The following CYP4F22 variants were observed in gnomAD, a reference collection of about 807,000 sequenced individuals.
CYP4F22 encodes cytochrome P450 family 4 subfamily F member 22, also known as ultra-long-chain fatty acid omega-hydroxylase.
In CYP4F22, 37 loss-of-function variants were observed where a neutral mutation model predicts 60.4. The ratio of observed to expected loss-of-function variants is 0.61; its 90% CI spans 0.47 to 0.81. The LOEUF (loss-of-function observed/expected upper bound fraction) is 0.81. CYP4F22 is among the 30% of genes least tolerant of loss of function. The probability of loss-of-function intolerance (pLI) is 0.00; values close to 1 mark genes in which losing one functional copy is unlikely to be tolerated. For missense variants in CYP4F22, 655 were observed against 715.0 expected (o/e 0.92, Z 0.96); for synonymous variants, 258 against 280.5 (o/e 0.92, Z 0.80).
In CYP4F22 at chr19:15,549,152, G is replaced by T; in HGVS notation, c.1285G>T (p.Val429Phe). The T allele has an allele frequency of 6.2e-7, 1 of 1,613,990 alleles. No homozygotes were observed. Among genetic ancestry groups the T allele is most frequent in the Non-Finnish European group, 8.5e-7 (1 of 1,180,008 alleles). Residue 429 changes from valine (V) to phenylalanine (F), a missense_variant, in exon 12 of 14, where the codon GTC (valine) becomes TTC (phenylalanine). Transcript: ENST00000269703. ...RIIPKGIICL[V>F]SIYGTHHNPT... ...TTTCCCCACAGGAATCATCTGCTTG[G>T]TCAGCATCTATGGAACCCACCACAA...
chr19:15,521,137 C>T (rs1971220379), intron 1 of CYP4F22, among the ~76,000 whole-genome samples: 1 of 152,054 alleles, frequency 6.6e-6, no homozygotes, highest in South Asian at 2.1e-4. Flanking sequence ...TCAGAATGTC[C>T]TTGCTTTTGA....
chr19:15,520,164 G>T (rs1311256699), intron 1 of CYP4F22, among the ~76,000 whole-genome samples: 1 of 151,904 alleles, frequency 6.6e-6, no homozygotes, highest in African/African-American at 2.4e-5. Flanking sequence ...TTAACACGGT[G>T]AAACCCCGTC....
chr19:15,539,900 A>G (rs559732679), intron 7 of CYP4F22, among the ~76,000 whole-genome samples: 4 of 152,198 alleles, frequency 2.6e-5, no homozygotes, highest in Non-Finnish European at 5.9e-5. Flanking sequence ...GCTGTTAAGT[A>G]TCTTTTCACA....
At chr19:15,529,959 C>T in intron 4 of CYP4F22, 106 bp downstream of exon 4, 2 of 1,490,748 alleles carry the variant, frequency 1.3e-6, no homozygotes, top group East Asian at 2.3e-5. Context: ...TTGAATAGGG[C>T]TTTGAAGGAT....
At chr19:15,534,057 TCTA>T (rs1971371097) in intron 4 of CYP4F22, among the ~76,000 whole-genome samples, 1 of 152,234 alleles carries the variant, frequency 6.6e-6, no homozygotes, top group South Asian at 2.1e-4. Context: ...GCATTAATTT[TCTA>T]CTAACAGGAA....
At chr19:15,546,632 A>G (rs2144543029) in intron 10 of CYP4F22, among the ~76,000 whole-genome samples, 1 of 152,330 alleles carries the variant, frequency 6.6e-6, no homozygotes, top group Middle Eastern at 3.4e-3. Context: ...AATCTAGAAC[A>G]TGAACCAAGA....
In CYP4F22 at chr19:15,538,009, C is replaced by T; in HGVS notation, c.671+16C>T. On this transcript the variant is annotated intron_variant, in intron 7 of 13. Transcript: ENST00000269703. Reference sequence around the variant, plus strand: ...ACTGCCAAGAGTGAGTGTGACCCTTCTTGGGAAGATGGAGCCAGCTGCTCT... The same window carrying T: ...ACTGCCAAGAGTGAGTGTGACCCTTTTTGGGAAGATGGAGCCAGCTGCTCT... 1 of 1,613,996 alleles carries T rather than the reference C, an allele frequency of 6.2e-7. No individual in the cohort carries two copies. Among genetic ancestry groups the T allele is most frequent in the Non-Finnish European group, 8.5e-7 (1 of 1,180,026 alleles).
At chr19:15,543,894 T>A in intron 8 of CYP4F22, 77 bp from the exon 9 acceptor site, 8 of 1,386,110 alleles carry the variant, frequency 5.8e-6, no homozygotes, top group Non-Finnish European at 8.2e-6. Context: ...GGCGGGGAGA[T>A]ATCTGAGTTT....
chr19:15,511,938 G>T lies in CYP4F22; in HGVS notation c.-109+3355G>T, dbSNP rs573583474. 3.9e-5 allele frequency among the ~76,000 whole-genome samples: 6 copies of T among 152,312 alleles called. No homozygotes were observed. The East Asian group carries it at 1.2e-3, about 29-fold the overall frequency. On this transcript the variant is annotated intron_variant, in intron 1 of 13. Coordinates refer to ENST00000269703, the MANE Select transcript of CYP4F22 (RefSeq NM_173483.4). Reference sequence around the variant, plus strand: ...CTTTCACCACCACCAGATAATGCGGGCCCTGGCAGGGCAGGGCCACCTCTA... The same window carrying T: ...CTTTCACCACCACCAGATAATGCGGTCCCTGGCAGGGCAGGGCCACCTCTA...
At chr19:15,537,210 A>C in intron 4 of CYP4F22, 151 bp from the exon 5 acceptor site, 1 of 993,594 alleles carries the variant, frequency 1.0e-6, no homozygotes, top group South Asian at 1.4e-5. Context: ...CAGAGGCAGG[A>C]AAACTGCTTG....
At chr19:15,542,101 G>A in intron 8 of CYP4F22, among the ~76,000 whole-genome samples, 1 of 152,168 alleles carries the variant, frequency 6.6e-6, no homozygotes, top group Non-Finnish European at 1.5e-5. Context: ...TCACAAGGTT[G>A]TCAGGCATCC....
intron 1 of CYP4F22, among the ~76,000 whole-genome samples, chr19:15,511,695 T>C (rs1251555880): frequency 6.6e-6 from 1 of 151,894 alleles, no homozygotes; most frequent in African/African-American, 2.4e-5. Context: ...GGGCCAGCGT[T>C]GGGGTGCTCT....
Position 15,551,353 on chromosome 19 carries a change from T to C in CYP4F22, c.1478T>C (p.Leu493Pro). 6.2e-7 allele frequency: 1 copy of C among 1,613,512 alleles called. No homozygotes were observed. Among genetic ancestry groups the C allele is most frequent in the Non-Finnish European group, 8.5e-7 (1 of 1,179,744 alleles). Residue 493 changes from leucine (L) to proline (P), a missense_variant, in exon 14 of 14, where the codon CTG becomes CCG. Leu to Pro is a moderately conservative substitution (Grantham distance 98). This residue lies in a region of CYP4F22 where 151 missense variants were observed against 139.4 expected (regional missense o/e 1.08). Coordinates refer to ENST00000269703, the MANE Select transcript of CYP4F22 (RefSeq NM_173483.4). ...TTGCGCGTGGTTGTGGCACTAACAC[T>C]GCTACGTTTCCGCCTGAGCGTGGAC... ...AELRVVVALT[L>P]LRFRLSVDRT...
chr19:15,538,197 C>G (rs1469767412), intron 7 of CYP4F22, among the ~76,000 whole-genome samples: 1 of 152,068 alleles, frequency 6.6e-6, no homozygotes, highest in Non-Finnish European at 1.5e-5. Flanking sequence ...AATTCCTTCC[C>G]CATAGTCATT....
At chr19:15,512,179 G>A (rs1971100173) in intron 1 of CYP4F22, among the ~76,000 whole-genome samples, 1 of 152,152 alleles carries the variant, frequency 6.6e-6, no homozygotes, top group Non-Finnish European at 1.5e-5. Flanking sequence ...ACCTTAGGGG[G>A]TAGGTCCTGT....
rs539481286 is a variant in CYP4F22, at chr19:15,547,467, C to T, written c.1137-641C>T. Among the ~76,000 whole-genome samples the T allele has an allele frequency of 2.6e-5, 4 of 152,242 alleles. No homozygotes were observed. In the East Asian group the frequency reaches 7.7e-4, roughly 29 times the overall value. Reference sequence around the variant, plus strand: ...TCAATTAAAGGCTTAATGCTGGGCCCAGCAGAGGGCCCAGTGCTAGTGCTG... The same window carrying T: ...TCAATTAAAGGCTTAATGCTGGGCCTAGCAGAGGGCCCAGTGCTAGTGCTG... On this transcript the variant is annotated intron_variant, in intron 10 of 13. Coordinates refer to ENST00000269703, the MANE Select transcript of CYP4F22 (RefSeq NM_173483.4).
At chr19:15,540,411 G>A in intron 7 of CYP4F22, 39 bp from the exon 8 acceptor site, 3 of 1,613,626 alleles carry the variant, frequency 1.9e-6, no homozygotes, top group Non-Finnish European at 2.5e-6. Flanking sequence ...CTATGCTAGG[G>A]GAAGGGGCTA....
At chr19:15,509,437 C>G (rs780487993) in intron 1 of CYP4F22, among the ~76,000 whole-genome samples, 5 of 152,168 alleles carry the variant, frequency 3.3e-5, no homozygotes, top group Non-Finnish European at 7.4e-5. Flanking sequence ...ACCCGAAATT[C>G]CTCCTACCCT....
intron 8 of CYP4F22, among the ~76,000 whole-genome samples, chr19:15,542,547 T>G (rs1474061585): frequency 6.6e-6 from 1 of 152,122 alleles, no homozygotes; most frequent in Non-Finnish European, 1.5e-5. Context: ...AAAAAATTTT[T>G]TTTTAAATTA....
Sources: gnomAD v4.1 joint callset for allele counts (sites outside exome capture counted in the v4.1 genomes callset) on GRCh38, gnomAD v4.1.1 for gene constraint, gnomAD v4.1.1 regional missense constraint, MANE v1.5 for transcripts, NCBI Gene and HGNC (gene_info 2026-07-23, HGNC 2026-07-21) for gene names.